DDX46: variants seen among roughly 807,000 people sequenced by gnomAD.
DDX46 encodes probable ATP-dependent RNA helicase DDX46.
In DDX46, 30 loss-of-function variants were observed where a neutral mutation model predicts 134.9. The observed-to-expected ratio is 0.22, with a 90% CI of 0.17 to 0.30. The LOEUF is 0.30. Ranked by LOEUF, DDX46 falls within the 10% of genes least tolerant of loss-of-function variation. The probability of loss-of-function intolerance (pLI) is 1.00; values close to 1 mark genes in which losing one functional copy is unlikely to be tolerated. For synonymous variants in DDX46, 415 were observed against 404.1 expected (o/e 1.03, Z -0.32); for missense variants, 622 against 1,248.7 (o/e 0.50, Z 7.56).
intron 8 of DDX46, among the ~76,000 whole-genome samples, chr5:134,782,313 C>A (rs1016016585): frequency 3.9e-5 from 6 of 151,912 alleles, no homozygotes; most frequent in African/African-American, 1.5e-4. Flanking sequence ...CGAGACCAGC[C>A]TGGGCAATAC....
chr5:134,795,173 G>T (rs1754613833), intron 14 of DDX46, among the ~76,000 whole-genome samples, 159 bp downstream of exon 14: 1 of 149,392 alleles, frequency 6.7e-6, no homozygotes, highest in African/African-American at 2.5e-5. Flanking sequence ...AAACTTAACT[G>T]TGCTGTTCCA....
chr5:134,780,094 ATATATGTGTGTG>A (rs888774121), intron 6 of DDX46, among the ~76,000 whole-genome samples: 1 of 124,324 alleles, frequency 8.0e-6, no homozygotes, highest in Non-Finnish European at 1.6e-5. Flanking sequence ...TCTGAAAAAA[ATATATGTGTGTG>A]TGTGTGTGTG....
intron 11 of DDX46, among the ~76,000 whole-genome samples, chr5:134,786,854 C>T (rs1008944366): frequency 2.1e-4 from 32 of 151,730 alleles, no homozygotes; most frequent in African/African-American, 7.0e-4. Flanking sequence ...TGGGGGGTGG[C>T]GGAAGTGATG....
intron 15 of DDX46, among the ~76,000 whole-genome samples, chr5:134,801,298 G>A (rs1195212292): frequency 1.3e-5 from 2 of 152,008 alleles, no homozygotes; most frequent in African/African-American, 4.8e-5. Flanking sequence ...AGTTTGTAAT[G>A]GAATCCTACA....
intron 3 of DDX46, among the ~76,000 whole-genome samples, chr5:134,768,905 A>T (rs966571561): frequency 1.3e-5 from 2 of 152,090 alleles, no homozygotes; most frequent in African/African-American, 4.8e-5. Flanking sequence ...CTAAAAGTAA[A>T]AAATTAGTCA....
chr5:134,768,710 G>A (rs1241871767), intron 3 of DDX46, among the ~76,000 whole-genome samples: 1 of 152,052 alleles, frequency 6.6e-6, no homozygotes, highest in Non-Finnish European at 1.5e-5. Context: ...GCCGTAAGTT[G>A]GGGTGCGTAA....
intron 15 of DDX46, among the ~76,000 whole-genome samples, chr5:134,805,704 T>G (rs1754966024): frequency 6.6e-6 from 1 of 151,840 alleles, no homozygotes; most frequent in African/African-American, 2.4e-5. Flanking sequence ...AATTTTTTTT[T>G]GTATTTTTAG....
chr5:134,826,918 G>T, intron 21 of DDX46, 29 bp from the exon 22 acceptor site: 2 of 1,604,874 alleles, frequency 1.2e-6, no homozygotes, highest in Non-Finnish European at 8.5e-7. Flanking sequence ...TTAGTAATTT[G>T]AATAATATGC....
At chr5:134,773,318 C>A (rs1216873772) in intron 4 of DDX46, among the ~76,000 whole-genome samples, 1 of 152,016 alleles carries the variant, frequency 6.6e-6, no homozygotes, top group Non-Finnish European at 1.5e-5. Flanking sequence ...ATTTTGGAGG[C>A]GTTTAGGGGA....
At chr5:134,817,855 A>G (rs1755322499) in intron 20 of DDX46, 141 bp downstream of exon 20, 1 of 700,906 alleles carries the variant, frequency 1.4e-6, no homozygotes. Context: ...TAGAAATTTG[A>G]TTTTTATGAG....
intron 12 of DDX46, among the ~76,000 whole-genome samples, chr5:134,789,611 T>C (rs1037146125): frequency 6.6e-6 from 1 of 152,166 alleles, no homozygotes; most frequent in Non-Finnish European, 1.5e-5. Context: ...CAATGCTGCA[T>C]TGATTAAGTC....
At chr5:134,774,176 T>C (rs1408085419) in intron 5 of DDX46, among the ~76,000 whole-genome samples, 3 of 152,208 alleles carry the variant, frequency 2.0e-5, no homozygotes, top group African/African-American at 7.2e-5. Flanking sequence ...ATTTGTTTAG[T>C]CTAGCTACCT....
At chr5:134,782,778 T>A (rs1263397340) in intron 8 of DDX46, among the ~76,000 whole-genome samples, 167 bp from the exon 9 acceptor site, 1 of 152,138 alleles carries the variant, frequency 6.6e-6, no homozygotes, top group African/African-American at 2.4e-5. Context: ...TGGGTTCAAG[T>A]GATCTGCCTG....
intron 15 of DDX46, among the ~76,000 whole-genome samples, chr5:134,805,532 CTTT>C (rs554379717): frequency 7.3e-6 from 1 of 137,860 alleles, no homozygotes. Context: ...CTTTTCTTTT[CTTT>C]TTTTTTTTTT....
At position 134,785,000 on chromosome 5, in the gene DDX46, T is replaced by G. The variant is rs115686207; in HGVS notation, c.1342+459T>G. Among the ~76,000 whole-genome samples, 598 of 152,334 alleles carry G rather than the reference T, an allele frequency of 3.9e-3. 2 individuals are homozygous for G. Among genetic ancestry groups the G allele is most frequent in the African/African-American group, 0.014 (575 of 41,576 alleles). On this transcript the variant is annotated intron_variant, in intron 10 of 22. Coordinates refer to ENST00000452510, the MANE Select transcript of DDX46 (RefSeq NM_001300860.2). ...GTTTCTTGATTCATCTTGGCAGAGATAACTCTTGGAAAGTTGAGTAGGGTT... is the reference window on the plus strand; with the variant it reads ...GTTTCTTGATTCATCTTGGCAGAGAGAACTCTTGGAAAGTTGAGTAGGGTT...
chr5:134,823,157 C>CTTTTTTTT (rs201053941), intron 21 of DDX46, among the ~76,000 whole-genome samples: 12 of 111,220 alleles, frequency 1.1e-4, no homozygotes, highest in East Asian at 2.8e-4. Context: ...TTAATTTCAT[C>CTTTTTTTT]TTTTTTTTTT....
intron 15 of DDX46, chr5:134,797,205 C>T (rs1323936428): frequency 2.2e-5 from 3 of 136,006 alleles, no homozygotes; most frequent in Non-Finnish European, 4.2e-5. Flanking sequence ...AAACACAAAA[C>T]ACATGGAACA....
chr5:134,799,299 G>A (rs1188249526), intron 15 of DDX46, among the ~76,000 whole-genome samples: 4 of 149,626 alleles, frequency 2.7e-5, no homozygotes. Flanking sequence ...ATTAACACTA[G>A]TTCAAAACTT....
intron 4 of DDX46, 21 bp from the exon 5 acceptor site, chr5:134,773,675 T>C: frequency 6.4e-7 from 1 of 1,559,798 alleles, no homozygotes; most frequent in Non-Finnish European, 8.6e-7. Flanking sequence ...CCCATCTCTT[T>C]CTTTCTTTTA....
Sources: allele counts gnomAD v4.1 joint callset (sites outside exome capture counted in the v4.1 genomes callset), GRCh38; gene constraint gnomAD v4.1.1; transcripts MANE v1.5; gene names NCBI Gene and HGNC (gene_info 2026-07-23, HGNC 2026-07-21).